The following MARCHF11 variants were observed in gnomAD, a reference collection of about 807,000 sequenced individuals.
MARCHF11 encodes E3 ubiquitin-protein ligase MARCHF11.
In MARCHF11, 29 loss-of-function variants were observed where a neutral mutation model predicts 37.3. That is an observed-to-expected ratio of 0.78 (90% confidence interval 0.58 to 1.06). The LOEUF is 1.06. Among genes scored for constraint, MARCHF11 ranks in the 50% least tolerant of loss-of-function variants. The probability of loss-of-function intolerance (pLI) is 0.00; values close to 1 mark genes in which losing one functional copy is unlikely to be tolerated. For synonymous variants in MARCHF11, 233 were observed against 228.0 expected (o/e 1.02, Z -0.20); for missense variants, 482 against 533.4 (o/e 0.90, Z 0.95).
intron 2 of MARCHF11, among the ~76,000 whole-genome samples, chr5:16,111,983 T>A (rs1291982823): frequency 6.6e-6 from 1 of 152,064 alleles, no homozygotes; most frequent in South Asian, 2.1e-4. Flanking sequence ...AGCCTGCAGG[T>A]GTACAGAAAT....
chr5:16,138,217 A>C (rs761906308), intron 2 of MARCHF11, among the ~76,000 whole-genome samples: 1 of 152,178 alleles, frequency 6.6e-6, no homozygotes, highest in Non-Finnish European at 1.5e-5. Flanking sequence ...TGGTTACATC[A>C]GCGGAGCTCA....
At chr5:16,089,256 C>T (rs1736752258) in intron 3 of MARCHF11, among the ~76,000 whole-genome samples, 1 of 151,988 alleles carries the variant, frequency 6.6e-6, no homozygotes, top group South Asian at 2.1e-4. Flanking sequence ...ATCAATGGAA[C>T]ACCTCATTTT....
At chr5:16,101,846 A>C (rs1736964137) in intron 2 of MARCHF11, among the ~76,000 whole-genome samples, 1 of 152,220 alleles carries the variant, frequency 6.6e-6, no homozygotes, top group African/African-American at 2.4e-5. Context: ...CATGTAGGCC[A>C]ATGCAATTTC....
At chr5:16,086,682 T>C (rs1226158313) in intron 3 of MARCHF11, among the ~76,000 whole-genome samples, 1 of 152,224 alleles carries the variant, frequency 6.6e-6, no homozygotes, top group African/African-American at 2.4e-5. Flanking sequence ...TCTGGTTCTA[T>C]CAGATGCTAA....
At chr5:16,134,480 C>A (rs1447108935) in intron 2 of MARCHF11, among the ~76,000 whole-genome samples, 2 of 152,170 alleles carry the variant, frequency 1.3e-5, no homozygotes, top group Non-Finnish European at 2.9e-5. Context: ...GCCTCCAGAA[C>A]CATTAGCCAA....
At chr5:16,086,207 G>C (rs1350836481) in intron 3 of MARCHF11, among the ~76,000 whole-genome samples, 1 of 152,072 alleles carries the variant, frequency 6.6e-6, no homozygotes, top group Non-Finnish European at 1.5e-5. Flanking sequence ...ACCATGTACA[G>C]TATGATCTCA....
At chr5:16,138,032 T>C (rs1737636180) in intron 2 of MARCHF11, among the ~76,000 whole-genome samples, 1 of 152,142 alleles carries the variant, frequency 6.6e-6, no homozygotes, top group South Asian at 2.1e-4. Context: ...GACAATGCAA[T>C]AGAAAAGAAA....
chr5:16,070,702 A>G (rs1378362959), intron 3 of MARCHF11, among the ~76,000 whole-genome samples: 1 of 152,250 alleles, frequency 6.6e-6, no homozygotes, highest in Non-Finnish European at 1.5e-5. Context: ...ACAGGTCTTT[A>G]TAGTACATTT....
intron 2 of MARCHF11, among the ~76,000 whole-genome samples, chr5:16,143,504 A>G (rs575466565): frequency 6.6e-6 from 1 of 152,220 alleles, no homozygotes; most frequent in African/African-American, 2.4e-5. Flanking sequence ...TCCAACAGGA[A>G]CTCCTTTCGA....
intron 2 of MARCHF11, among the ~76,000 whole-genome samples, chr5:16,172,186 T>C (rs968480098): frequency 2.0e-5 from 3 of 152,188 alleles, no homozygotes; most frequent in East Asian, 1.9e-4. Flanking sequence ...ATGGTTATAG[T>C]AGTATACAAA....
intron 2 of MARCHF11, among the ~76,000 whole-genome samples, chr5:16,140,494 G>C (rs572155117): frequency 2.0e-5 from 3 of 152,206 alleles, no homozygotes; most frequent in South Asian, 4.2e-4. Context: ...AAATGCACCA[G>C]ACAAAATCAA....
intron 3 of MARCHF11, among the ~76,000 whole-genome samples, chr5:16,075,301 A>G (rs546107435): frequency 7.2e-5 from 11 of 152,312 alleles, no homozygotes; most frequent in Non-Finnish European, 1.3e-4. Context: ...CCACTCTTAC[A>G]TTTGCACAAC....
At position 16,179,587 on chromosome 5, in the gene MARCHF11, C is replaced by T. The variant is rs1738438175; in HGVS notation, c.-12G>A. ...CCCTCAAAGCTCATGGTTGTGCCGC[C>T]GCCGCCCTCCTGCCGGCCCGGCTGG... On this transcript the variant is annotated 5_prime_UTR_variant, in exon 1 of 4. Transcript: ENST00000332432. The T allele has an allele frequency of 4.2e-6, 5 of 1,177,986 alleles. No individual in the cohort carries two copies. Among genetic ancestry groups the T allele is most frequent in the East Asian group, 3.7e-5 (1 of 27,188 alleles). 73.0% of individuals were successfully genotyped at this position (1,177,986 alleles called of 1,614,324 possible).
At chr5:16,136,017 G>A (rs1737608246) in intron 2 of MARCHF11, among the ~76,000 whole-genome samples, 1 of 152,088 alleles carries the variant, frequency 6.6e-6, no homozygotes, top group Non-Finnish European at 1.5e-5. Context: ...TGAAAAGAGG[G>A]AAGGCAGACC....
At chr5:16,133,087 T>C (rs1359297029) in intron 2 of MARCHF11, among the ~76,000 whole-genome samples, 1 of 152,172 alleles carries the variant, frequency 6.6e-6, no homozygotes, top group Non-Finnish European at 1.5e-5. Context: ...TTTTTTTAAG[T>C]TGCCTACTGT....
In MARCHF11 at chr5:16,071,753, A is replaced by C. The variant is rs138030964; in HGVS notation, c.887-3960T>G. On this transcript the variant is annotated intron_variant, in intron 3 of 3. Coordinates refer to ENST00000332432, the MANE Select transcript of MARCHF11 (RefSeq NM_001102562.3). ...CAAATTTTATCTGATTTAATTACCA[A>C]ACCACTGGTCAAAAAATTCCATATT... Among the ~76,000 whole-genome samples, 823 of 152,294 alleles carry C rather than the reference A, an allele frequency of 5.4e-3. 5 individuals carry two copies. The highest frequency in any genetic ancestry group is 0.018 in the African/African-American group (760 of 41,556).
At chr5:16,157,551 G>C (rs1380139729) in intron 2 of MARCHF11, among the ~76,000 whole-genome samples, 1 of 151,472 alleles carries the variant, frequency 6.6e-6, no homozygotes, top group African/African-American at 2.4e-5. Context: ...ATGATTAACT[G>C]GTTTTTGACA....
At chr5:16,144,679 G>A (rs1484821507) in intron 2 of MARCHF11, among the ~76,000 whole-genome samples, 1 of 152,166 alleles carries the variant, frequency 6.6e-6, no homozygotes, top group Non-Finnish European at 1.5e-5. Flanking sequence ...CGCACCCAGT[G>A]AAATTATACC....
At chr5:16,094,065 A>C (rs1736825698) in intron 2 of MARCHF11, among the ~76,000 whole-genome samples, 2 of 152,336 alleles carry the variant, frequency 1.3e-5, no homozygotes, top group East Asian at 3.9e-4. Flanking sequence ...ATCATTACTG[A>C]AACCAAAATT....
Sources: gnomAD v4.1 joint callset for allele counts (sites outside exome capture counted in the v4.1 genomes callset) on GRCh38, gnomAD v4.1.1 for gene constraint, MANE v1.5 for transcripts, NCBI Gene and HGNC (gene_info 2026-07-23, HGNC 2026-07-21) for gene names.